The following STPG1 variants were observed in gnomAD, a reference collection of about 807,000 sequenced individuals.
STPG1 encodes O(6)-methylguanine-induced apoptosis 2.
In STPG1, 33 loss-of-function variants were observed where a neutral mutation model predicts 40.1. The observed-to-expected ratio is 0.82, with a 90% CI of 0.62 to 1.10. STPG1 has a LOEUF of 1.10. STPG1 is among the 50% of genes least tolerant of loss of function. The pLI, the probability that STPG1 is intolerant of heterozygous loss-of-function variation, is 0.00. For synonymous variants in STPG1, 150 were observed against 155.0 expected (o/e 0.97, Z 0.24); for missense variants, 396 against 415.1 (o/e 0.95, Z 0.40).
intron 3 of STPG1, among the ~76,000 whole-genome samples, chr1:24,390,740 G>GA (rs1553125131): frequency 2.6e-5 from 4 of 151,080 alleles, no homozygotes; most frequent in African/African-American, 4.9e-5. Flanking sequence ...GTTTAAGGAA[G>GA]TTTTTTTTGT....
At chr1:24,410,453 A>G (rs1643572589) in intron 1 of STPG1, among the ~76,000 whole-genome samples, 1 of 152,178 alleles carries the variant, frequency 6.6e-6, no homozygotes. Context: ...TACTAAAAAT[A>G]CAAAAATTAG....
chr1:24,387,791 C>T (rs1221645529), intron 3 of STPG1, among the ~76,000 whole-genome samples: 1 of 152,160 alleles, frequency 6.6e-6, no homozygotes, highest in Non-Finnish European at 1.5e-5. Context: ...TCAGGCTTCA[C>T]AGAGCAGGGA....
intron 5 of STPG1, among the ~76,000 whole-genome samples, chr1:24,377,353 C>T (rs1032291423): frequency 3.9e-5 from 6 of 152,186 alleles, no homozygotes; most frequent in African/African-American, 1.4e-4. Context: ...CTGGGATCTT[C>T]AGGGCCCTGT....
At position 24,401,361 on chromosome 1, in the gene STPG1, G is replaced by A. The variant is rs377495393; in HGVS notation, c.28C>T (p.Arg10Cys). MDNSAQKNE[R>C]TGKHPRRASE... The stretch of plus-strand genomic sequence containing the variant: ...GCACGTCTGGGATGTTTGCCAGTGC[G>A]TTCATTTTTCTGTGCAGAGTTGTCC... Residue 10 changes from arginine (R) to cysteine (C), a missense_variant, in exon 2 of 9, where the codon CGC (arginine) becomes TGC (cysteine). Coordinates refer to ENST00000337248, the MANE Select transcript of STPG1 (RefSeq NM_001199013.2). 19 of 1,614,074 alleles carry A rather than the reference G, an allele frequency of 1.2e-5. No individual in the cohort carries two copies. In the East Asian group the frequency reaches 1.8e-4, roughly 15 times the overall value.
Position 24,360,876 on chromosome 1 carries a change from C to T in STPG1, c.903G>A (p.Pro301=), listed in dbSNP as rs762640146. Residue 301 remains proline, a synonymous_variant, in exon 8 of 9, where the codon CCG becomes CCA. Coordinates refer to ENST00000337248, the MANE Select transcript of STPG1 (RefSeq NM_001199013.2). ...CTGGGCCAGGCAGGCCTGGCTGAGG[C>T]GGCGCCGCTGTCCACCGGCTGGTAT... The part of the protein sequence containing the change: ...VSNTSRWTAA[P]PQPGLPGPAT... 50 of 1,612,998 alleles carry T rather than the reference C, an allele frequency of 3.1e-5. No homozygotes were observed. The Middle Eastern group carries it at 5.0e-4, about 16-fold the overall frequency.
intron 1 of STPG1, among the ~76,000 whole-genome samples, chr1:24,410,272 C>A (rs1304502091): frequency 6.6e-6 from 1 of 152,100 alleles, no homozygotes; most frequent in Non-Finnish European, 1.5e-5. Context: ...TGTACACTGT[C>A]AACATTTAAG....
At chr1:24,403,703 A>G (rs942648421) in intron 1 of STPG1, among the ~76,000 whole-genome samples, 2 of 152,096 alleles carry the variant, frequency 1.3e-5, no homozygotes, top group African/African-American at 4.8e-5. Context: ...TAAGTATTTC[A>G]TATTTTATGT....
At chr1:24,401,840 C>T (rs1643241245) in intron 1 of STPG1, among the ~76,000 whole-genome samples, 2 of 152,054 alleles carry the variant, frequency 1.3e-5, no homozygotes, top group Admixed American at 6.6e-5. Flanking sequence ...GGATTACAGG[C>T]GCCCACCATC....
chr1:24,380,003 G>T (rs1327100542), intron 4 of STPG1, among the ~76,000 whole-genome samples, 180 bp from the exon 5 acceptor site: 1 of 152,204 alleles, frequency 6.6e-6, no homozygotes, highest in East Asian at 1.9e-4. Context: ...GAAAACGCAA[G>T]TTCAGACCTG....
At chr1:24,366,944 CA>C (rs1430745353) in intron 7 of STPG1, among the ~76,000 whole-genome samples, 1 of 152,204 alleles carries the variant, frequency 6.6e-6, no homozygotes, top group African/African-American at 2.4e-5. Flanking sequence ...GCGATGTTCT[CA>C]GGGGCAGAGG....
At chr1:24,380,440 G>C (rs1642231671) in intron 4 of STPG1, among the ~76,000 whole-genome samples, 2 of 152,138 alleles carry the variant, frequency 1.3e-5, no homozygotes, top group Admixed American at 1.3e-4. Flanking sequence ...TTTGTCAAAA[G>C]AACAGGGACA....
chr1:24,385,994 A>G (rs1211227834), intron 3 of STPG1, among the ~76,000 whole-genome samples: 1 of 152,088 alleles, frequency 6.6e-6, no homozygotes, highest in Non-Finnish European at 1.5e-5. Flanking sequence ...TTATCACCAC[A>G]CTCTGAACCT....
rs77317573 is a variant in STPG1, at chr1:24,389,560, C to T, written c.189+2001G>A. Among the ~76,000 whole-genome samples the T allele has an allele frequency of 1.7e-3, 258 of 152,240 alleles. 4 individuals carry two copies. The East Asian group carries it at 0.022, about 13-fold the overall frequency. The stretch of plus-strand genomic sequence containing the variant: ...GGGTGGGTCATTGAACTTCCCTAAG[C>T]CTCGGTTTCCTCTTCTGTTAAATTA... On this transcript the variant is annotated intron_variant, in intron 3 of 8. Coordinates refer to ENST00000337248, the MANE Select transcript of STPG1 (RefSeq NM_001199013.2).
Position 24,369,681 on chromosome 1 carries a change from G to A in STPG1, c.730C>T (p.Leu244Phe), listed in dbSNP as rs771106510. ...SDCTKVPKKTLFPKNPILNFS... is the reference protein window; with the variant it reads ...SDCTKVPKKTFFPKNPILNFS... ...AGAATGATTGGGACTCACGGGAAAAGAGTCTTTTTTGGAACTTTTGTGCAA... is the reference window on the plus strand; with the variant it reads ...AGAATGATTGGGACTCACGGGAAAAAAGTCTTTTTTGGAACTTTTGTGCAA... The change falls in exon 7 of 9, where the codon CTT becomes TTT. Residue 244 changes from leucine (L) to phenylalanine (F), a missense_variant. Coordinates refer to ENST00000337248, the MANE Select transcript of STPG1 (RefSeq NM_001199013.2). 5.0e-6 allele frequency: 8 copies of A among 1,590,580 alleles called. No homozygotes were observed. Among genetic ancestry groups the A allele is most frequent in the Non-Finnish European group, 6.9e-6 (8 of 1,165,784 alleles).
intron 7 of STPG1, chr1:24,364,060 C>T: frequency 7.4e-7 from 1 of 1,344,352 alleles, no homozygotes; most frequent in Non-Finnish European, 9.6e-7. Context: ...TTTTACCTTC[C>T]AGAAACACCC....
At chr1:24,377,351 T>G (rs962160822) in intron 5 of STPG1, among the ~76,000 whole-genome samples, 1 of 152,162 alleles carries the variant, frequency 6.6e-6, no homozygotes, top group African/African-American at 2.4e-5. Context: ...TCCTGGGATC[T>G]TCAGGGCCCT....
chr1:24,412,628 G>C (rs1484595119), intron 1 of STPG1, among the ~76,000 whole-genome samples: 1 of 152,188 alleles, frequency 6.6e-6, no homozygotes, highest in Non-Finnish European at 1.5e-5. Flanking sequence ...AGAGGCTGAG[G>C]GGGAAGGATG....
intron 5 of STPG1, 33 bp from the exon 6 acceptor site, chr1:24,373,843 T>C (rs1557440002): frequency 2.1e-6 from 3 of 1,443,760 alleles, no homozygotes; most frequent in Admixed American, 1.7e-5. Context: ...ATGTACTCAG[T>C]ACCTTTCCTT....
intron 6 of STPG1, among the ~76,000 whole-genome samples, chr1:24,372,364 A>G (rs1005721017): frequency 4.6e-5 from 7 of 152,264 alleles, no homozygotes; most frequent in Admixed American, 4.6e-4. Context: ...ATTCAGTGAG[A>G]TAATGAATGT....
Sources: allele counts gnomAD v4.1 joint callset (sites outside exome capture counted in the v4.1 genomes callset), GRCh38; gene constraint gnomAD v4.1.1; transcripts MANE v1.5; gene names NCBI Gene and HGNC (gene_info 2026-07-23, HGNC 2026-07-21).